REPS1: variants seen among roughly 807,000 people sequenced by gnomAD.
REPS1 encodes RALBP1 associated Eps domain containing 1, also known as ralBP1-associated Eps domain-containing protein 1.
A neutral mutation model predicts 100.9 loss-of-function variants in REPS1; 39 were observed. That is an observed-to-expected ratio of 0.39 (90% CI 0.30 to 0.50). The LOEUF (loss-of-function observed/expected upper bound fraction) is 0.50, where lower values mean the gene tolerates loss of function less well. REPS1 is among the 20% of genes least tolerant of loss of function. The probability of loss-of-function intolerance (pLI) is 0.86; values close to 1 mark genes in which losing one functional copy is unlikely to be tolerated. For synonymous variants in REPS1, 324 were observed against 340.3 expected, an observed-to-expected ratio of 0.95 and a Z score of 0.53; for missense variants, 821 against 968.5, an observed-to-expected ratio of 0.85 and a Z score of 2.02.
intron 11 of REPS1, 85 bp downstream of exon 11, chr6:138,920,951 AT>A (rs1484550149): frequency 5.4e-6 from 5 of 930,200 alleles, no homozygotes; most frequent in Non-Finnish European, 8.6e-6. Flanking sequence ...AAAATAAGCG[AT>A]GAAAGAAATT....
Position 138,904,938 on chromosome 6 carries a change from AG to A in REPS1, c.*125del. 1 of 695,842 alleles carries A rather than the reference AG, an allele frequency of 1.4e-6. No individual in the cohort carries two copies. The highest frequency in any genetic ancestry group is 1.8e-5 in the African/African-American group (1 of 55,264). The allele number at this position is 695,842 out of a possible 1,614,324, so 43.1% of individuals were successfully genotyped here. A position where few individuals can be genotyped will look rare whatever the true frequency, so the allele number is the denominator to read the frequency against. On this transcript the variant is annotated 3_prime_UTR_variant, in exon 20 of 20. Transcript: ENST00000450536. ...TACTTAAATACAACGGTGAACATAT[AG>A]GGCAAAACAGAATCATAAAATTTAA...
chr6:138,921,722 C>T (rs1042808119), intron 10 of REPS1, among the ~76,000 whole-genome samples: 1 of 151,840 alleles, frequency 6.6e-6, no homozygotes, highest in African/African-American at 2.4e-5. Flanking sequence ...GGATTATAGG[C>T]ACCTGCCACC....
intron 8 of REPS1, 29 bp downstream of exon 8, chr6:138,941,306 A>G: frequency 6.2e-7 from 1 of 1,611,338 alleles, no homozygotes. Flanking sequence ...CAAGGCATGC[A>G]AACAGCTCTC....
intron 1 of REPS1, chr6:138,950,980 G>A (rs1240938880): frequency 6.6e-6 from 1 of 152,166 alleles, no homozygotes; most frequent in Non-Finnish European, 1.5e-5. Flanking sequence ...ACGAAGTCAG[G>A]AGTTCGAGGC....
chr6:138,917,943 T>C (rs981887539), intron 12 of REPS1, among the ~76,000 whole-genome samples: 1 of 152,230 alleles, frequency 6.6e-6, no homozygotes, highest in Non-Finnish European at 1.5e-5. Context: ...TCTGTATCTG[T>C]AGGTTCCACA....
chr6:138,926,498 G>C lies in REPS1; in HGVS notation c.1258-17C>G, dbSNP rs1295611868. The C allele has an allele frequency of 1.9e-6, 3 of 1,575,110 alleles. No homozygotes were observed. The highest frequency in any genetic ancestry group is 1.7e-5 in the Admixed American group (1 of 59,448). ...CTCCCACTGCTGAACAGACAGAGGAGAGACAAGTCAGCATGATGAGAAAGA... is the reference window on the plus strand; with the variant it reads ...CTCCCACTGCTGAACAGACAGAGGACAGACAAGTCAGCATGATGAGAAAGA... On this transcript the variant is annotated splice_polypyrimidine_tract_variant and intron_variant, in intron 9 of 19. Coordinates refer to ENST00000450536, the MANE Select transcript of REPS1 (RefSeq NM_001286611.2).
chr6:138,946,507 A>T (rs1265807088), intron 2 of REPS1, among the ~76,000 whole-genome samples: 3 of 152,224 alleles, frequency 2.0e-5, no homozygotes, highest in Non-Finnish European at 4.4e-5. Context: ...ACATGAAGGA[A>T]GGAAACTATT....
At chr6:138,961,928 G>A (rs1783764701) in intron 1 of REPS1, among the ~76,000 whole-genome samples, 1 of 152,176 alleles carries the variant, frequency 6.6e-6, no homozygotes, top group Non-Finnish European at 1.5e-5. Context: ...CAGGTGTAAA[G>A]GAAGCAGCTG....
intron 17 of REPS1, among the ~76,000 whole-genome samples, chr6:138,910,770 A>C (rs2128427226): frequency 6.6e-6 from 1 of 152,362 alleles, no homozygotes; most frequent in South Asian, 2.1e-4. Context: ...GCATGGAGAG[A>C]TATGTAGTAA....
At chr6:138,975,884 G>A (rs1369136313) in intron 1 of REPS1, among the ~76,000 whole-genome samples, 5 of 152,048 alleles carry the variant, frequency 3.3e-5, no homozygotes, top group African/African-American at 7.2e-5. Context: ...GTTTACAGAC[G>A]AGGAAATGAA....
chr6:138,942,185 C>T (rs995774800), intron 7 of REPS1, among the ~76,000 whole-genome samples: 8 of 152,104 alleles, frequency 5.3e-5, no homozygotes, highest in African/African-American at 1.9e-4. Context: ...AACTGCAAGG[C>T]TTAAAACAGA....
In REPS1 at chr6:138,914,731, G is replaced by C. The variant is rs142777222; in HGVS notation, c.1751C>G (p.Pro584Arg). Residue 584 changes from proline (P) to arginine (R), a missense_variant, in exon 15 of 20, where the codon CCT (proline) becomes CGT (arginine). By Grantham distance (103) the Pro-to-Arg change is moderately radical. This residue lies in a region of REPS1 where 757 missense variants were observed against 866.4 expected (regional missense o/e 0.87). Coordinates refer to ENST00000450536, the MANE Select transcript of REPS1 (RefSeq NM_001286611.2). ...GQQQAGVVAH[P>R]PAVPPRPQPS... is the part of the protein sequence containing the mutation. ...CTGTGGTCTTGGAGGCACTGCAGGA[G>C]GATGGGCAACAACTCCAGCCTGTTG... is the stretch of plus-strand genomic sequence containing the variant. 7 of 1,612,452 alleles carry C rather than the reference G, an allele frequency of 4.3e-6. No homozygotes were observed. Among genetic ancestry groups the C allele is most frequent in the Non-Finnish European group, 5.9e-6 (7 of 1,179,532 alleles).
At chr6:138,955,213 G>GC (rs1199310263) in intron 1 of REPS1, among the ~76,000 whole-genome samples, 3 of 152,026 alleles carry the variant, frequency 2.0e-5, no homozygotes, top group Non-Finnish European at 2.9e-5. Context: ...ATTTTGGGAG[G>GC]CTGAGGCAGG....
At chr6:138,972,011 C>T (rs1403502036) in intron 1 of REPS1, among the ~76,000 whole-genome samples, 1 of 152,198 alleles carries the variant, frequency 6.6e-6, no homozygotes, top group African/African-American at 2.4e-5. Flanking sequence ...GTTTTATTCA[C>T]AACTTGCTCA....
chr6:138,977,601 CTTT>C (rs1784669308), intron 1 of REPS1, among the ~76,000 whole-genome samples: 1 of 110,362 alleles, frequency 9.1e-6, no homozygotes, highest in African/African-American at 3.6e-5. Context: ...TAATTTGTTT[CTTT>C]TTTATTGCAG....
At position 138,930,075 on chromosome 6, in the gene REPS1, C is replaced by T; in HGVS notation, c.1159G>A (p.Val387Ile). ...SADVGDQPGE[V>I]GYSGSPAEAP... is the part of the protein sequence containing the mutation. ...TCAGCAGGAGAGCCTGAATAACCTA[C>T]CTCACCTGGCTGATCCCCAACATCT... The change falls in exon 9 of 20, where the codon GTA (valine) becomes ATA (isoleucine). Residue 387 changes from valine (V) to isoleucine (I), a missense_variant. Val to Ile is a conservative substitution (Grantham distance 29). Coordinates refer to ENST00000450536, the MANE Select transcript of REPS1 (RefSeq NM_001286611.2). 1 of 1,613,162 alleles carries T rather than the reference C, an allele frequency of 6.2e-7. No individual in the cohort carries two copies. The highest frequency in any genetic ancestry group is 8.5e-7 in the Non-Finnish European group (1 of 1,179,284).
chr6:138,966,344 C>G (rs951966489), intron 1 of REPS1, among the ~76,000 whole-genome samples: 1 of 152,066 alleles, frequency 6.6e-6, no homozygotes, highest in African/African-American at 2.4e-5. Flanking sequence ...AAAGAGAAAC[C>G]CATTCCACTG....
intron 11 of REPS1, among the ~76,000 whole-genome samples, chr6:138,920,676 AATGAGACATTC>A (rs1191978634): frequency 6.6e-6 from 1 of 152,220 alleles, no homozygotes; most frequent in African/African-American, 2.4e-5. Flanking sequence ...TTTAGTCTAA[AATGAGACATTC>A]CAAGAGTTCA....
intron 12 of REPS1, among the ~76,000 whole-genome samples, chr6:138,918,164 T>C (rs1780531771): frequency 6.6e-6 from 1 of 152,080 alleles, no homozygotes; most frequent in South Asian, 2.1e-4. Flanking sequence ...TTGTCCAGTC[T>C]GGTCTCTAAC....
Sources: gnomAD v4.1 joint callset for allele counts (sites outside exome capture counted in the v4.1 genomes callset) on GRCh38, gnomAD v4.1.1 for gene constraint, gnomAD v4.1.1 regional missense constraint, MANE v1.5 for transcripts, NCBI Gene and HGNC (gene_info 2026-07-23, HGNC 2026-07-21) for gene names.